Variants in URB2 observed in about 807,000 individuals in gnomAD.
URB2 encodes URB2 ribosome biogenesis homolog, also known as unhealthy ribosome biogenesis protein 2 homolog.
A neutral mutation model predicts 120.9 loss-of-function variants in URB2; 86 were observed. The ratio of observed to expected loss-of-function variants is 0.71; its 90% CI spans 0.60 to 0.85. The LOEUF is 0.85. URB2 is among the 40% of genes least tolerant of loss of function. The pLI, the probability that URB2 is intolerant of heterozygous loss-of-function variation, is 0.00. For missense variants in URB2, 1,765 were observed against 1,836.5 expected (o/e 0.96, Z 0.71); for synonymous variants, 755 against 758.4 (o/e 1.00, Z 0.07).
At chr1:229,641,098 C>T (rs970894452) in intron 4 of URB2, among the ~76,000 whole-genome samples, 5 of 150,638 alleles carry the variant, frequency 3.3e-5, no homozygotes, top group African/African-American at 7.3e-5. Flanking sequence ...CTGCAACCTC[C>T]GCCTCCCGGC....
At position 229,638,022 on chromosome 1, in the gene URB2, G is replaced by C; in HGVS notation, c.3409G>C (p.Ala1137Pro). ...DLGQHCRDGGADISQGSDRTL... is the reference protein window; with the variant it reads ...DLGQHCRDGGPDISQGSDRTL... ...GGGTCAGCACTGCAGGGATGGAGGG[G>C]CCGACATTTCCCAAGGAAGCGACAG... Residue 1137 changes from alanine (A) to proline (P), a missense_variant, in exon 4 of 10, where the codon GCC becomes CCC. Ala to Pro is a conservative substitution (Grantham distance 27, BLOSUM62 -1). Coordinates refer to ENST00000258243, the MANE Select transcript of URB2 (RefSeq NM_014777.4). 1 of 1,613,116 alleles carries C rather than the reference G, an allele frequency of 6.2e-7. No homozygotes were observed. The highest frequency in any genetic ancestry group is 8.5e-7 in the Non-Finnish European group (1 of 1,179,360).
In URB2 at chr1:229,635,478, G is replaced by A; in HGVS notation, c.865G>A (p.Gly289Ser). ...CGTGCTTAACAGGCTGGTTGATGCTGGCTACTGTGCAGCATCCCTTCATAC... is the reference window on the plus strand; with the variant it reads ...CGTGCTTAACAGGCTGGTTGATGCTAGCTACTGTGCAGCATCCCTTCATAC... ...DTVLNRLVDA[G>S]YCAASLHTSV... Residue 289 changes from glycine to serine, a missense_variant, in exon 4 of 10, where the codon GGC becomes AGC. By Grantham distance (56) the Gly-to-Ser change is moderately conservative. Transcript: ENST00000258243. 1 of 1,612,978 alleles carries A rather than the reference G, an allele frequency of 6.2e-7. No homozygotes were observed.
At position 229,643,584 on chromosome 1, in the gene URB2, C is replaced by A. The variant is rs1254768878; in HGVS notation, c.3686C>A (p.Ala1229Asp). The change falls in exon 5 of 10, where the codon GCC (alanine) becomes GAC (aspartate). Residue 1229 changes from alanine to aspartate, a missense_variant. By Grantham distance (126) the Ala-to-Asp change is moderately radical. Coordinates refer to ENST00000258243, the MANE Select transcript of URB2 (RefSeq NM_014777.4). ...CAGGATATTGAGCCTCATTTGGGAG[C>A]CTTGTTCACCCAAATGTTAGAGGTT... ...VTQDIEPHLG[A>D]LFTQMLEVGT... 2 of 1,614,178 alleles carry A rather than the reference C, an allele frequency of 1.2e-6. No individual in the cohort carries two copies. Among genetic ancestry groups the A allele is most frequent in the East Asian group, 4.5e-5 (2 of 44,888 alleles).
Position 229,635,715 on chromosome 1 carries a change from GC to G in URB2, c.1104del (p.Asn369ThrfsTer29). 6.2e-7 allele frequency: 1 copy of G among 1,614,130 alleles called. No individual in the cohort carries two copies. Among genetic ancestry groups the G allele is most frequent in the South Asian group, 1.1e-5 (1 of 91,088 alleles). On this transcript the variant is annotated frameshift_variant, in exon 4 of 10. Transcript: ENST00000258243. LOFTEE classifies it high-confidence loss of function. ...TGTGGAACAGCTACTAAACTCAGTG[GC>G]CAACAACAATATCTACAACATCGCT... is the stretch of plus-strand genomic sequence containing the variant. ...LVVEQLLNSV[A>X]NNNIYNIAAD...
chr1:229,633,551 A>T (rs1215576651), intron 3 of URB2, among the ~76,000 whole-genome samples: 1 of 152,178 alleles, frequency 6.6e-6, no homozygotes, highest in African/African-American at 2.4e-5. Context: ...ACATTTAAGG[A>T]TTTCTCATCT....
chr1:229,645,114 G>T (rs1286749313), intron 5 of URB2, among the ~76,000 whole-genome samples: 1 of 151,864 alleles, frequency 6.6e-6, no homozygotes, highest in African/African-American at 2.4e-5. Context: ...GTGAAACCCC[G>T]TCCCTGCTAA....
At chr1:229,654,226 G>A (rs2102800360) in intron 8 of URB2, 23 bp from the exon 9 acceptor site, 1 of 1,609,820 alleles carries the variant, frequency 6.2e-7, no homozygotes, top group Non-Finnish European at 8.5e-7. Context: ...CTAATTGGTT[G>A]GGAAACACTT....
Position 229,659,957 on chromosome 1 carries a change from T to C in URB2, c.*660T>C, listed in dbSNP as rs932962795. 6.6e-6 allele frequency: 1 copy of C among 152,192 alleles called. No individual in the cohort carries two copies. 9.4% of individuals were successfully genotyped at this position (152,192 alleles called of 1,614,324 possible). A position where few individuals can be genotyped will look rare whatever the true frequency, so the allele number is the denominator to read the frequency against. On this transcript the variant is annotated 3_prime_UTR_variant, in exon 10 of 10. Transcript: ENST00000258243. ...AGGAATTTTTTTTTCCTATGCAGTT[T>C]AAGAAATAATCCTAATTGTTTTTTC...
intron 1 of URB2, 99 bp from the exon 2 acceptor site, chr1:229,627,522 G>T: frequency 3.5e-6 from 4 of 1,146,904 alleles, no homozygotes; most frequent in Non-Finnish European, 3.5e-6. Flanking sequence ...ATACATATTA[G>T]GTAAACAAGA....
intron 7 of URB2, among the ~76,000 whole-genome samples, chr1:229,648,176 G>GT (rs1666196880): frequency 6.6e-6 from 1 of 151,248 alleles, no homozygotes; most frequent in African/African-American, 2.4e-5. Context: ...ATTGCATAAA[G>GT]TTACCTTCAG....
chr1:229,631,996 C>A (rs961471222), intron 2 of URB2, among the ~76,000 whole-genome samples: 1 of 152,138 alleles, frequency 6.6e-6, no homozygotes, highest in Non-Finnish European at 1.5e-5. Flanking sequence ...CCTCAAAAAA[C>A]GGGTTAAGAC....
rs1267697769 is a variant in URB2, at chr1:229,637,732, C to G, written c.3119C>G (p.Ala1040Gly). ...AGTTCCAAACCATACACGGAGGCAG[C>G]TTCAAGCAAACAATTAGAAAATCAG... ...LSSSKPYTEA[A>G]SSKQLENQNP... Residue 1040 changes from alanine (A) to glycine (G), a missense_variant, in exon 4 of 10, where the codon GCT (alanine) becomes GGT (glycine). Coordinates refer to ENST00000258243, the MANE Select transcript of URB2 (RefSeq NM_014777.4). 6.2e-7 allele frequency: 1 copy of G among 1,614,192 alleles called. No individual in the cohort carries two copies.
chr1:229,635,583 T>C lies in URB2; in HGVS notation c.970T>C (p.Cys324Arg). 1 of 1,614,108 alleles carries C rather than the reference T, an allele frequency of 6.2e-7. No homozygotes were observed. The highest frequency in any genetic ancestry group is 8.5e-7 in the Non-Finnish European group (1 of 1,180,038). ...CTTTAAGGAGGGAAACCAGCTTCTC[T>C]GCTTCCAGGTTCTCCCCAGGTTGTT... is the stretch of plus-strand genomic sequence containing the variant. ...SYFKEGNQLL[C>R]FQVLPRLFGC... The change falls in exon 4 of 10, where the codon TGC (cysteine) becomes CGC (arginine). Residue 324 changes from cysteine to arginine, a missense_variant. By Grantham distance (180) the Cys-to-Arg change is radical (BLOSUM62 -3). Transcript: ENST00000258243.
At chr1:229,651,920 G>A (rs1366242606) in intron 8 of URB2, among the ~76,000 whole-genome samples, 1 of 152,144 alleles carries the variant, frequency 6.6e-6, no homozygotes, top group Admixed American at 6.6e-5. Context: ...AGTGGCTCAT[G>A]GCTGTAATCC....
intron 2 of URB2, among the ~76,000 whole-genome samples, chr1:229,631,680 A>C (rs1425479974): frequency 6.6e-6 from 1 of 152,240 alleles, no homozygotes; most frequent in Admixed American, 6.5e-5. Context: ...TGGAGCAGTC[A>C]GGATGCATAG....
chr1:229,654,161 T>C, intron 8 of URB2, 88 bp from the exon 9 acceptor site: 1 of 1,558,228 alleles, frequency 6.4e-7, no homozygotes, highest in Admixed American at 1.8e-5. Context: ...CTTGAGATAA[T>C]TTTCACCCAT....
intron 8 of URB2, among the ~76,000 whole-genome samples, chr1:229,653,033 T>C (rs1666318284): frequency 2.0e-5 from 3 of 152,214 alleles, no homozygotes; most frequent in Admixed American, 2.0e-4. Context: ...ATTAAATTGG[T>C]GGCCGAAATA....
Position 229,636,383 on chromosome 1 carries a change from C to T in URB2, c.1770C>T (p.Thr590=), listed in dbSNP as rs775870489. 1.9e-6 allele frequency: 3 copies of T among 1,614,194 alleles called. No individual in the cohort carries two copies. The highest frequency in any genetic ancestry group is 2.5e-6 in the Non-Finnish European group (3 of 1,180,016). ...CCCTGCTGGCCCTTCTCCCGGACAC[C>T]CCAGGCCCAGAGCCAGAGCTGTGGC... ...VQPLLALLPD[T]PGPEPELWLQ... The change falls in exon 4 of 10, where the codon ACC becomes ACT. Residue 590 remains threonine (T), a synonymous_variant. Transcript: ENST00000258243.
intron 2 of URB2, 36 bp downstream of exon 2, chr1:229,627,795 G>C: frequency 6.4e-7 from 1 of 1,572,074 alleles, no homozygotes; most frequent in Non-Finnish European, 8.6e-7. Flanking sequence ...TTTACAGTCT[G>C]TCAAGATAAT....
Sources: allele counts gnomAD v4.1 joint callset (sites outside exome capture counted in the v4.1 genomes callset), GRCh38; gene constraint gnomAD v4.1.1; transcripts MANE v1.5; gene names NCBI Gene and HGNC (gene_info 2026-07-23, HGNC 2026-07-21).